The following LMBR1 variants were observed in gnomAD, a reference collection of about 807,000 sequenced individuals.
LMBR1 encodes the protein limb region 1 protein homolog.
Under a neutral mutation model 73.9 loss-of-function variants are expected in LMBR1, and 52 were observed. That is an observed-to-expected ratio of 0.70 (90% CI 0.56 to 0.89). The LOEUF (loss-of-function observed/expected upper bound fraction) is 0.89, where lower values mean the gene tolerates loss of function less well. Ranked by LOEUF, LMBR1 falls within the 40% of genes least tolerant of loss-of-function variation. LMBR1 has a pLI of 0.00. For missense variants in LMBR1, 539 were observed against 579.8 expected, an observed-to-expected ratio of 0.93 and a Z score of 0.72; for synonymous variants, 215 against 209.4, an observed-to-expected ratio of 1.03 and a Z score of -0.23.
chr7:156,776,782 G>A (rs1468645958), intron 5 of LMBR1, among the ~76,000 whole-genome samples: 4 of 152,006 alleles, frequency 2.6e-5, no homozygotes, highest in Non-Finnish European at 4.4e-5. Context: ...ATCCCCTGGC[G>A]CCTACTCCTT....
At chr7:156,798,441 T>C (rs1830407043) in intron 4 of LMBR1, among the ~76,000 whole-genome samples, 1 of 152,154 alleles carries the variant, frequency 6.6e-6, no homozygotes, top group African/African-American at 2.4e-5. Flanking sequence ...AATGAGCATG[T>C]GTCCAGGAAC....
At chr7:156,717,404 G>A (rs1393893898) in intron 15 of LMBR1, among the ~76,000 whole-genome samples, 1 of 152,168 alleles carries the variant, frequency 6.6e-6, no homozygotes, top group Admixed American at 6.5e-5. Context: ...GCTTAGGGTG[G>A]GTGGTGGTTT....
intron 12 of LMBR1, among the ~76,000 whole-genome samples, chr7:156,726,574 A>T (rs1381012400): frequency 6.6e-6 from 1 of 152,218 alleles, no homozygotes; most frequent in Non-Finnish European, 1.5e-5. Context: ...ATGTTTTACT[A>T]GTCAGCACAG....
chr7:156,734,702 C>T (rs1196515144), intron 9 of LMBR1, among the ~76,000 whole-genome samples: 2 of 152,126 alleles, frequency 1.3e-5, no homozygotes, highest in Non-Finnish European at 2.9e-5. Flanking sequence ...TGGTAAAGTT[C>T]TAATTTGATC....
chr7:156,862,496 G>GAA (rs369372865), intron 1 of LMBR1, among the ~76,000 whole-genome samples: 19 of 112,116 alleles, frequency 1.7e-4, no homozygotes, highest in Middle Eastern at 4.7e-3. Context: ...AAATAACATA[G>GAA]AAAAAAAAAA....
At chr7:156,809,657 T>C (rs1186477439) in intron 4 of LMBR1, among the ~76,000 whole-genome samples, 1 of 152,222 alleles carries the variant, frequency 6.6e-6, no homozygotes, top group Non-Finnish European at 1.5e-5. Flanking sequence ...TCTACAGATC[T>C]AGAATCCACA....
At chr7:156,864,046 C>T (rs1798097584) in intron 1 of LMBR1, among the ~76,000 whole-genome samples, 2 of 152,060 alleles carry the variant, frequency 1.3e-5, no homozygotes, top group South Asian at 2.1e-4. Context: ...CCTAGCTACT[C>T]GGGAGGCTGA....
intron 1 of LMBR1, among the ~76,000 whole-genome samples, chr7:156,845,412 A>C (rs10479647): frequency 0.076 from 11,582 of 152,166 alleles, 509 homozygotes; most frequent in East Asian, 0.14. Context: ...AACAAGAAAA[A>C]TAAAATAGAA....
At chr7:156,809,290 CT>C (rs907463845) in intron 4 of LMBR1, among the ~76,000 whole-genome samples, 2 of 152,082 alleles carry the variant, frequency 1.3e-5, no homozygotes, top group Non-Finnish European at 2.9e-5. Flanking sequence ...ACTATTTTGC[CT>C]TTGTTTTGAA....
intron 5 of LMBR1, among the ~76,000 whole-genome samples, chr7:156,786,291 G>C (rs915353443): frequency 6.6e-6 from 1 of 150,850 alleles, no homozygotes; most frequent in Non-Finnish European, 1.5e-5. Context: ...AAGGAAGGAG[G>C]GAGGGGAAAA....
chr7:156,763,152 T>C lies in LMBR1; in HGVS notation c.575A>G (p.Tyr192Cys), dbSNP rs1199542400. The change falls in exon 7 of 17, where the codon TAT (tyrosine) becomes TGT (cysteine). Residue 192 changes from tyrosine to cysteine, a missense_variant. By Grantham distance (194) the Tyr-to-Cys change is radical. Around this residue, in one of 3 missense-constraint regions of LMBR1, gnomAD observed 454 missense variants for 473.4 expected, o/e 0.96. Transcript: ENST00000353442. ...LYDLWEFYLP[Y>C]LYSCISLMGC... ...CATCAATGATATACAGGAATATAAA[T>C]AGGGTAGATAGAACTCCCAGAGATC... The C allele has an allele frequency of 7.1e-7, 1 of 1,400,432 alleles. No individual in the cohort carries two copies. 86.8% of individuals were successfully genotyped at this position (1,400,432 alleles called of 1,614,324 possible).
At chr7:156,724,011 T>G in intron 15 of LMBR1, 101 bp downstream of exon 15, 1 of 787,018 alleles carries the variant, frequency 1.3e-6, no homozygotes, top group Non-Finnish European at 2.1e-6. Context: ...AGAAACACTG[T>G]ATTTCAAAGG....
In LMBR1 at chr7:156,796,483, T is replaced by G. The variant is rs764618320; in HGVS notation, c.329A>C (p.Asn110Thr). 2.5e-6 allele frequency: 4 copies of G among 1,603,104 alleles called. No individual in the cohort carries two copies. The highest frequency in any genetic ancestry group is 3.4e-6 in the Non-Finnish European group (4 of 1,174,754). The change falls in exon 5 of 17, where the codon AAT becomes ACT. Residue 110 changes from asparagine to threonine, a missense_variant. Around this residue, in one of 3 missense-constraint regions of LMBR1, gnomAD observed 454 missense variants for 473.4 expected, o/e 0.96. Coordinates refer to ENST00000353442, the MANE Select transcript of LMBR1 (RefSeq NM_022458.4). ...AAGGTTGGAAAAAAGGGAAGCAAGA[T>G]TCCACAAACCTATAAAAAGGGTAAC... Reference protein sequence around the residue: ...LNGSLIHGLWNLASLFSNLCL... With the variant: ...LNGSLIHGLWTLASLFSNLCL...
At chr7:156,796,619 CATAAA>C in intron 4 of LMBR1, 127 bp from the exon 5 acceptor site, 1 of 503,650 alleles carries the variant, frequency 2.0e-6, no homozygotes, top group Non-Finnish European at 3.4e-6. Flanking sequence ...ACTTAGAAAT[CATAAA>C]ATAATTATAG....
At chr7:156,760,337 G>A (rs557277554) in intron 8 of LMBR1, among the ~76,000 whole-genome samples, 9 of 152,252 alleles carry the variant, frequency 5.9e-5, no homozygotes, top group Admixed American at 5.2e-4. Context: ...TTTTATATAC[G>A]TTGAGTTTTC....
chr7:156,697,988 A>G (rs1585237227), intron 15 of LMBR1, among the ~76,000 whole-genome samples: 1 of 152,224 alleles, frequency 6.6e-6, no homozygotes, highest in East Asian at 1.9e-4. Flanking sequence ...CAGTCCCTCC[A>G]TTCGTGGTCC....
downstream of LMBR1, among the ~76,000 whole-genome samples, chr7:156,676,065 C>T (rs2365514): frequency 0.38 from 57,378 of 149,948 alleles, 11,650 homozygotes; most frequent in African/African-American, 0.49. Context: ...GTGTCAGTCC[C>T]GGGGTAACCG....
At chr7:156,880,297 C>T (rs1049189217) in intron 1 of LMBR1, among the ~76,000 whole-genome samples, 1 of 151,942 alleles carries the variant, frequency 6.6e-6, no homozygotes, top group Non-Finnish European at 1.5e-5. Context: ...AACTAAGCTA[C>T]GATGATGCAA....
chr7:156,725,631 C>T lies in LMBR1; in HGVS notation c.1068-106G>A, dbSNP rs559505644. On this transcript the variant is annotated intron_variant, in intron 13 of 16. Transcript: ENST00000353442. The stretch of plus-strand genomic sequence containing the variant: ...CCATAGGAAAAGCAAAACAAAAAGC[C>T]GCTTTAAGTGCTTGAGGAAGACTAA... 1.8e-4 allele frequency: 221 copies of T among 1,197,028 alleles called. No individual in the cohort carries two copies. The South Asian group carries it at 3.0e-3, about 16-fold the overall frequency. The allele number at this position is 1,197,028 out of a possible 1,614,324, so 74.2% of individuals were successfully genotyped here.
Sources: gnomAD v4.1 joint callset for allele counts (sites outside exome capture counted in the v4.1 genomes callset) on GRCh38, gnomAD v4.1.1 for gene constraint, gnomAD v4.1.1 regional missense constraint, MANE v1.5 for transcripts, NCBI Gene and HGNC (gene_info 2026-07-23, HGNC 2026-07-21) for gene names.